The following SLC9C1 variants were observed in gnomAD, a reference collection of about 807,000 sequenced individuals.
The protein encoded by SLC9C1 is sodium/hydrogen exchanger 10.
Under a neutral mutation model 140.9 loss-of-function variants are expected in SLC9C1, and 97 were observed. The ratio of observed to expected loss-of-function variants is 0.69; its 90% CI spans 0.58 to 0.82. The LOEUF is 0.82. SLC9C1 is among the 40% of genes least tolerant of loss of function. The probability of loss-of-function intolerance (pLI) is 0.00; values close to 1 mark genes in which losing one functional copy is unlikely to be tolerated. For synonymous variants in SLC9C1, 440 were observed against 442.6 expected (o/e 0.99, Z 0.07); for missense variants, 1,340 against 1,389.3 (o/e 0.96, Z 0.56).
At chr3:112,262,451 T>C (rs1261676841) in intron 10 of SLC9C1, among the ~76,000 whole-genome samples, 1 of 151,484 alleles carries the variant, frequency 6.6e-6, no homozygotes, top group East Asian at 1.9e-4. Context: ...GAGATCCTTG[T>C]AATTATCTTG....
rs377186149 is a variant in SLC9C1, at chr3:112,171,139, G to A, written c.2920-1811C>T. On this transcript the variant is annotated intron_variant, in intron 23 of 28. Coordinates refer to ENST00000305815, the MANE Select transcript of SLC9C1 (RefSeq NM_183061.3). ...TGAGGCAGGAGAATCACTTGAATCC[G>A]GGAGGCGGAGGTTGCAGTGAGCTGA... Among the ~76,000 whole-genome samples, 23 of 152,180 alleles carry A rather than the reference G, an allele frequency of 1.5e-4. 1 individual carries two copies. The East Asian group carries it at 3.7e-3, about 24-fold the overall frequency.
rs373568725 is a variant in SLC9C1, at chr3:112,158,217, T to A, written c.3365-3168A>T. On this transcript the variant is annotated intron_variant, in intron 26 of 28. Transcript: ENST00000305815. ...CTTCTATATTCAATTTGTTGATGAT[T>A]TTTATTATGAAAGGATGTTGAATTT... 2.0e-5 allele frequency among the ~76,000 whole-genome samples: 3 copies of A among 152,048 alleles called. No homozygotes were observed. The East Asian group carries it at 5.8e-4, about 29-fold the overall frequency.
rs998966951 is a variant in SLC9C1, at chr3:112,266,158, T to C, written c.878+80A>G. 6.8e-6 allele frequency: 7 copies of C among 1,031,534 alleles called. No homozygotes were observed. The African/African-American group carries it at 1.0e-4, about 15-fold the overall frequency. 63.9% of individuals were successfully genotyped at this position (1,031,534 alleles called of 1,614,324 possible). On this transcript the variant is annotated intron_variant, in intron 8 of 28. Transcript: ENST00000305815. The stretch of plus-strand genomic sequence containing the variant: ...GTCTTTGAAAATCTTACTTCGACCA[T>C]GTAGATGTAGATATTGTTACTATTA...
intron 13 of SLC9C1, 71 bp from the exon 14 acceptor site, chr3:112,221,296 A>G (rs1305105589): frequency 7.8e-6 from 10 of 1,277,572 alleles, no homozygotes; most frequent in Non-Finnish European, 1.0e-5. Flanking sequence ...TCTTGATGGG[A>G]AAAATGTGTG....
chr3:112,199,278 T>G (rs778879287), intron 20 of SLC9C1, 43 bp downstream of exon 20: 4 of 1,434,234 alleles, frequency 2.8e-6, no homozygotes, highest in African/African-American at 2.9e-5. Flanking sequence ...TGAATGATTA[T>G]GTATCAAGTA....
At chr3:112,242,489 T>A (rs145663768) in intron 11 of SLC9C1, among the ~76,000 whole-genome samples, 2 of 152,154 alleles carry the variant, frequency 1.3e-5, no homozygotes, top group East Asian at 3.9e-4. Flanking sequence ...ACAATTAAAC[T>A]TATGGAGATA....
At position 112,266,313 on chromosome 3, in the gene SLC9C1, A is replaced by C; in HGVS notation, c.803T>G (p.Phe268Cys). 1 of 1,609,654 alleles carries C rather than the reference A, an allele frequency of 6.2e-7. No individual in the cohort carries two copies. Among genetic ancestry groups the C allele is most frequent in the Non-Finnish European group, 8.5e-7 (1 of 1,178,432 alleles). The stretch of plus-strand genomic sequence containing the variant: ...AAGAAGTCCCACAATGGCCAGAGTA[A>C]ATATTCCTGACATTCCAACTAACTC... ...ICELVGMSGI[F>C]TLAIVGLLLN... Residue 268 changes from phenylalanine (F) to cysteine (C), a missense_variant, in exon 8 of 29, where the codon TTT becomes TGT. By Grantham distance (205) the Phe-to-Cys change is radical. Transcript: ENST00000305815.
chr3:112,256,129 G>A (rs6779013), intron 10 of SLC9C1, among the ~76,000 whole-genome samples: 2,470 of 152,118 alleles, frequency 0.016, 64 homozygotes, highest in African/African-American at 0.055. Context: ...CAAATTTGCA[G>A]GCTAATTCTA....
chr3:112,269,835 T>C (rs1220990150), intron 7 of SLC9C1, 81 bp downstream of exon 7: 1 of 1,236,598 alleles, frequency 8.1e-7, no homozygotes. Context: ...TTACTAACTT[T>C]TGCCTGGTAT....
At chr3:112,254,824 T>A (rs2108269481) in intron 10 of SLC9C1, among the ~76,000 whole-genome samples, 1 of 152,164 alleles carries the variant, frequency 6.6e-6, no homozygotes, top group South Asian at 2.1e-4. Context: ...CAAGAGCCAA[T>A]GGTGTGCTGT....
rs191184303 is a variant in SLC9C1, at chr3:112,200,569, G to C, written c.2374+142C>G. The C allele has an allele frequency of 5.7e-5, 38 of 672,168 alleles. No homozygotes were observed. The African/African-American group carries it at 6.0e-4, about 11-fold the overall frequency. The allele number at this position is 672,168 out of a possible 1,614,324, so 41.6% of individuals were successfully genotyped here. Reference sequence around the variant, plus strand: ...TCCATCTCAACTAGAAAATAAGATTGCATTGATTGTTGAGGTTACTCACTT... The same window carrying C: ...TCCATCTCAACTAGAAAATAAGATTCCATTGATTGTTGAGGTTACTCACTT... On this transcript the variant is annotated intron_variant, in intron 19 of 28. Coordinates refer to ENST00000305815, the MANE Select transcript of SLC9C1 (RefSeq NM_183061.3).
Position 112,278,748 on chromosome 3 carries a change from A to G in SLC9C1, c.299T>C (p.Leu100Pro). Reference protein sequence around the residue: ...TTAFDMDTYMLQKLFWQILLI... With the variant: ...TTAFDMDTYMPQKLFWQILLI... ...GCTTACCTGCCAAAATAACTTTTGA[A>G]GCATGTACGTATCCATGTCAAATGC... Residue 100 changes from leucine (L) to proline (P), a missense_variant, in exon 4 of 29, where the codon CTT (leucine) becomes CCT (proline). By Grantham distance (98) the Leu-to-Pro change is moderately conservative. Transcript: ENST00000305815. The G allele has an allele frequency of 1.2e-6, 2 of 1,606,032 alleles. No individual in the cohort carries two copies. The highest frequency in any genetic ancestry group is 2.2e-5 in the South Asian group (2 of 89,582).
At chr3:112,282,352 T>G (rs1265868088) in intron 2 of SLC9C1, among the ~76,000 whole-genome samples, 2 of 148,590 alleles carry the variant, frequency 1.3e-5, no homozygotes, top group Non-Finnish European at 3.0e-5. Flanking sequence ...GCAACAGCTT[T>G]TGGATGCTCA....
In SLC9C1 at chr3:112,239,839, C is replaced by G; in HGVS notation, c.1446+1G>C. The G allele has an allele frequency of 6.2e-7, 1 of 1,604,384 alleles. No individual in the cohort carries two copies. The highest frequency in any genetic ancestry group is 1.1e-5 in the South Asian group (1 of 88,652). On this transcript the variant is annotated splice_donor_variant, in intron 12 of 28. Transcript: ENST00000305815. LOFTEE classifies it high-confidence loss of function. ...CAATAAAAAAGATATTACTTGCTTA[C>G]CATGTATGGGTTTTCAAGTGTAATT...
intron 27 of SLC9C1, 62 bp from the exon 28 acceptor site, chr3:112,152,025 CT>C: frequency 7.7e-7 from 1 of 1,304,616 alleles, no homozygotes; most frequent in South Asian, 1.4e-5. Context: ...GGGCCTGCCC[CT>C]CCACACCTGT....
At chr3:112,214,866 A>C (rs560591645) in intron 15 of SLC9C1, among the ~76,000 whole-genome samples, 471 of 152,166 alleles carry the variant, frequency 3.1e-3, no homozygotes, top group Non-Finnish European at 5.5e-3. Flanking sequence ...TTATGAGGCC[A>C]GCATCATCCA....
rs190071184 is a variant in SLC9C1 at position 112,171,761 on chromosome 3, A to G, written c.2920-2433T>C. Among the ~76,000 whole-genome samples, 152 of 152,378 alleles carry G rather than the reference A, an allele frequency of 1.0e-3. 3 individuals carry two copies. The East Asian group carries it at 0.013, about 13-fold the overall frequency. The stretch of plus-strand genomic sequence containing the variant: ...ATAGTTCTATCTTTCATGTTAAAGT[A>G]TATGATCATGCCACATTACATTTTG... On this transcript the variant is annotated intron_variant, in intron 23 of 28. Transcript: ENST00000305815.
At chr3:112,271,487 AT>A (rs1208327051) in intron 6 of SLC9C1, among the ~76,000 whole-genome samples, 1 of 150,478 alleles carries the variant, frequency 6.6e-6, no homozygotes, top group African/African-American at 2.4e-5. Flanking sequence ...AAAATAGCTC[AT>A]TGTCTTTGGG....
intron 25 of SLC9C1, 135 bp downstream of exon 25, chr3:112,168,742 G>C (rs2077187603): frequency 1.2e-6 from 1 of 820,214 alleles, no homozygotes; most frequent in Non-Finnish European, 1.8e-6. Flanking sequence ...ATGAGTGAGT[G>C]TTTATGGAGT....
Sources: allele counts gnomAD v4.1 joint callset (sites outside exome capture counted in the v4.1 genomes callset), GRCh38; gene constraint gnomAD v4.1.1; transcripts MANE v1.5; gene names NCBI Gene and HGNC (gene_info 2026-07-23, HGNC 2026-07-21).